SOX6: variants seen among roughly 807,000 people sequenced by gnomAD.
SOX6 encodes SRY-box transcription factor 6.
Under a neutral mutation model 97.8 loss-of-function variants are expected in SOX6, and 11 were observed. The observed-to-expected ratio is 0.11, with a 90% CI of 0.07 to 0.19. The LOEUF is 0.19. Ranked by LOEUF, SOX6 falls within the 10% of genes least tolerant of loss-of-function variation. The probability of loss-of-function intolerance (pLI) is 1.00; values close to 1 mark genes in which losing one functional copy is unlikely to be tolerated. For synonymous variants in SOX6, 360 were observed against 371.4 expected, an observed-to-expected ratio of 0.97 and a Z score of 0.35; for missense variants, 810 against 1,039.5, an observed-to-expected ratio of 0.78 and a Z score of 3.04.
At chr11:16,187,844 CATAAG>C (rs1346722687) in intron 4 of SOX6, among the ~76,000 whole-genome samples, 1 of 152,036 alleles carries the variant, frequency 6.6e-6, no homozygotes, top group African/African-American at 2.4e-5. Flanking sequence ...TTTACCGCAG[CATAAG>C]ATAAGAATTT....
At chr11:16,674,058 C>T (rs4756861) in intron 3 of SOX6, among the ~76,000 whole-genome samples, 24,768 of 151,794 alleles carry the variant, frequency 0.16, 2,661 homozygotes, top group East Asian at 0.32. Flanking sequence ...GGCCTGGTGG[C>T]GGGCGCCTGT....
At chr11:16,520,690 G>T (rs1861045061) in intron 4 of SOX6, among the ~76,000 whole-genome samples, 1 of 152,244 alleles carries the variant, frequency 6.6e-6, no homozygotes, top group Non-Finnish European at 1.5e-5. Flanking sequence ...CCTCACTCGG[G>T]AAGCGCAAGG....
chr11:16,384,227 G>A (rs1346991654), intron 1 of SOX6, among the ~76,000 whole-genome samples: 2 of 148,824 alleles, frequency 1.3e-5, no homozygotes, highest in African/African-American at 5.0e-5. Flanking sequence ...GAAACTTTAG[G>A]AATCAGAATA....
chr11:16,470,997 A>T (rs1303085983), intron 1 of SOX6, among the ~76,000 whole-genome samples: 2 of 152,138 alleles, frequency 1.3e-5, no homozygotes, highest in African/African-American at 2.4e-5. Context: ...GTCAAGATAG[A>T]ATTTTTTAAA....
intron 3 of SOX6, among the ~76,000 whole-genome samples, chr11:16,277,508 T>C (rs1033035631): frequency 6.6e-6 from 1 of 152,202 alleles, no homozygotes; most frequent in Admixed American, 6.5e-5. Flanking sequence ...AAGCTGACTG[T>C]AAACACTGTG....
chr11:16,656,889 C>T (rs1847723965), intron 3 of SOX6, among the ~76,000 whole-genome samples: 1 of 152,116 alleles, frequency 6.6e-6, no homozygotes. Flanking sequence ...TATCCCGGCT[C>T]ACAGTTTCCC....
At chr11:16,453,788 T>G (rs566989609) in intron 1 of SOX6, among the ~76,000 whole-genome samples, 8 of 152,144 alleles carry the variant, frequency 5.3e-5, no homozygotes, top group Non-Finnish European at 8.8e-5. Context: ...TTATTCAAAC[T>G]GCACTCGACA....
Position 16,299,967 on chromosome 11 carries a change from ATTTG to A in SOX6, c.445+18475_445+18478del, listed in dbSNP as rs536544002. On this transcript the variant is annotated intron_variant, in intron 3 of 15. Transcript: ENST00000683767. Reference sequence around the variant, plus strand: ...TTGAATTCTGTTTCCTTAATGTGAAATTTGTTTGGGGTTAATTAGCACGGCTGAG... The same window carrying A: ...TTGAATTCTGTTTCCTTAATGTGAAATTTGGGGTTAATTAGCACGGCTGAG... Among the ~76,000 whole-genome samples the A allele has an allele frequency of 4.3e-3, 655 of 152,306 alleles. 3 individuals carry two copies. The highest frequency in any genetic ancestry group is 5.4e-3 in the Non-Finnish European group (365 of 68,020).
chr11:16,514,651 T>G (rs989523050), intron 4 of SOX6, among the ~76,000 whole-genome samples: 3 of 150,524 alleles, frequency 2.0e-5, no homozygotes, highest in Non-Finnish European at 4.4e-5. Flanking sequence ...ACCCACTAAC[T>G]CGTCATCTAG....
chr11:15,973,667 G>A (rs1414539512), intron 15 of SOX6, among the ~76,000 whole-genome samples: 1 of 152,184 alleles, frequency 6.6e-6, no homozygotes, highest in Non-Finnish European at 1.5e-5. Flanking sequence ...GGCTGAACTT[G>A]TTAGGAATAA....
At chr11:16,431,998 T>G (rs570918212) in intron 1 of SOX6, among the ~76,000 whole-genome samples, 1 of 152,126 alleles carries the variant, frequency 6.6e-6, no homozygotes, top group Non-Finnish European at 1.5e-5. Flanking sequence ...AAAGATATGG[T>G]ATTGTTTGGG....
At chr11:16,323,768 C>A (rs1855992257) in intron 2 of SOX6, among the ~76,000 whole-genome samples, 1 of 152,050 alleles carries the variant, frequency 6.6e-6, no homozygotes, top group South Asian at 2.1e-4. Context: ...ATATCTGTAA[C>A]TAAATTTTAA....
intron 3 of SOX6, among the ~76,000 whole-genome samples, chr11:16,310,468 G>A (rs1855567270): frequency 6.6e-6 from 1 of 151,906 alleles, no homozygotes; most frequent in Non-Finnish European, 1.5e-5. Flanking sequence ...AAACTATCTG[G>A]TACTAGGTAA....
At chr11:16,104,591 A>C (rs923253335) in intron 7 of SOX6, among the ~76,000 whole-genome samples, 1 of 151,856 alleles carries the variant, frequency 6.6e-6, no homozygotes, top group African/African-American at 2.4e-5. Context: ...ATGAGATTAC[A>C]CACATACACA....
chr11:16,060,532 T>A (rs974966461), intron 9 of SOX6, among the ~76,000 whole-genome samples: 2 of 151,962 alleles, frequency 1.3e-5, no homozygotes, highest in African/African-American at 4.8e-5. Context: ...TCACAAAAAT[T>A]AAAATATCCA....
intron 3 of SOX6, among the ~76,000 whole-genome samples, chr11:16,687,226 C>A (rs1263139467): frequency 6.6e-6 from 1 of 152,240 alleles, no homozygotes; most frequent in East Asian, 1.9e-4. Context: ...GTGCTAGCAT[C>A]TGCTCAGCTT....
chr11:16,198,178 C>T (rs140727925), intron 4 of SOX6, among the ~76,000 whole-genome samples: 8,550 of 151,288 alleles, frequency 0.057, 381 homozygotes, highest in Non-Finnish European at 0.077. Flanking sequence ...ATCAGCCTCC[C>T]GAGTAGCTGG....
intron 7 of SOX6, 90 bp downstream of exon 7, chr11:16,111,713 C>A (rs1317482330): frequency 4.7e-6 from 7 of 1,502,342 alleles, no homozygotes; most frequent in Non-Finnish European, 5.5e-6. Context: ...TCATAGTTCC[C>A]TGGCATGCTC....
At chr11:16,593,869 A>G (rs909573279) in intron 4 of SOX6, among the ~76,000 whole-genome samples, 2 of 152,236 alleles carry the variant, frequency 1.3e-5, no homozygotes, top group East Asian at 3.8e-4. Context: ...CCAAGCTCTT[A>G]ACACCTAAAA....
Sources: allele counts gnomAD v4.1 joint callset (sites outside exome capture counted in the v4.1 genomes callset), GRCh38; gene constraint gnomAD v4.1.1; transcripts MANE v1.5; gene names NCBI Gene and HGNC (gene_info 2026-07-23, HGNC 2026-07-21).